Variants in TMEM163 observed in about 807,000 individuals in gnomAD.
The protein encoded by TMEM163 is transmembrane protein 163.
A neutral mutation model predicts 29.3 loss-of-function variants in TMEM163; 17 were observed. The ratio of observed to expected loss-of-function variants is 0.58; its 90% CI spans 0.40 to 0.87. The LOEUF is 0.87. Among genes scored for constraint, TMEM163 ranks in the 40% least tolerant of loss-of-function variants. The pLI is 0.00. For missense variants in TMEM163, 303 were observed against 381.5 expected, an observed-to-expected ratio of 0.79 and a Z score of 1.71; for synonymous variants, 157 against 160.6, an observed-to-expected ratio of 0.98 and a Z score of 0.17.
At chr2:134,520,686 T>C (rs531368658) in intron 4 of TMEM163, among the ~76,000 whole-genome samples, 1 of 152,338 alleles carries the variant, frequency 6.6e-6, no homozygotes, top group South Asian at 2.1e-4. Context: ...TCCAAATGTG[T>C]TCTTGTCTAC....
In TMEM163 at chr2:134,558,771, C is replaced by T. The variant is rs961479146; in HGVS notation, c.323-6680G>A. On this transcript the variant is annotated intron_variant, in intron 2 of 7. Coordinates refer to ENST00000281924, the MANE Select transcript of TMEM163 (RefSeq NM_030923.5). Reference sequence around the variant, plus strand: ...AAAATGAGGACCCATCTGTCATTCTCTCCAAAGTCATGCAACAATTATCTT... The same window carrying T: ...AAAATGAGGACCCATCTGTCATTCTTTCCAAAGTCATGCAACAATTATCTT... Among the ~76,000 whole-genome samples the T allele has an allele frequency of 2.6e-5, 4 of 152,238 alleles. No individual in the cohort carries two copies. In the East Asian group the frequency reaches 7.7e-4, roughly 29 times the overall value.
At chr2:134,575,897 A>G (rs1244283843) in intron 2 of TMEM163, among the ~76,000 whole-genome samples, 2 of 152,094 alleles carry the variant, frequency 1.3e-5, no homozygotes, top group East Asian at 1.9e-4. Flanking sequence ...AGGAAGAGTG[A>G]GACTCCTGGG....
intron 5 of TMEM163, among the ~76,000 whole-genome samples, chr2:134,471,579 C>T (rs1003244434): frequency 4.6e-5 from 7 of 152,142 alleles, no homozygotes; most frequent in African/African-American, 1.7e-4. Context: ...CTTTGGCACC[C>T]CAAGCTAAGA....
At chr2:134,700,294 C>T (rs1684668682) in intron 2 of TMEM163, among the ~76,000 whole-genome samples, 1 of 152,192 alleles carries the variant, frequency 6.6e-6, no homozygotes, top group South Asian at 2.1e-4. Context: ...CCTCTAAAAA[C>T]ACTGACTATT....
At chr2:134,624,219 G>A (rs754579795) in intron 2 of TMEM163, among the ~76,000 whole-genome samples, 14 of 152,322 alleles carry the variant, frequency 9.2e-5, no homozygotes, top group Non-Finnish European at 1.6e-4. Context: ...AATGCTCATT[G>A]CTGAAAACTG....
intron 2 of TMEM163, among the ~76,000 whole-genome samples, chr2:134,701,214 A>T (rs182554518): frequency 6.0e-4 from 91 of 151,472 alleles, no homozygotes; most frequent in African/African-American, 2.1e-3. Flanking sequence ...GAGTGAATTT[A>T]AAAAAAAAGA....
intron 1 of TMEM163, among the ~76,000 whole-genome samples, chr2:134,716,544 C>G (rs753466162): frequency 1.3e-5 from 2 of 152,044 alleles, no homozygotes; most frequent in Non-Finnish European, 2.9e-5. Flanking sequence ...CCCCTCAACC[C>G]CTCTACAGAC....
chr2:134,707,411 T>G (rs1684838367), intron 2 of TMEM163, among the ~76,000 whole-genome samples: 1 of 152,216 alleles, frequency 6.6e-6, no homozygotes, highest in African/African-American at 2.4e-5. Flanking sequence ...AGAGAGAGAC[T>G]TTAGGACGGG....
intron 2 of TMEM163, among the ~76,000 whole-genome samples, chr2:134,681,390 C>A (rs1465070588): frequency 6.6e-6 from 1 of 152,202 alleles, no homozygotes; most frequent in East Asian, 1.9e-4. Context: ...CCACACAAAC[C>A]GCATTCCAGT....
At chr2:134,576,407 A>G (rs1681557042) in intron 2 of TMEM163, among the ~76,000 whole-genome samples, 1 of 152,180 alleles carries the variant, frequency 6.6e-6, no homozygotes, top group Non-Finnish European at 1.5e-5. Flanking sequence ...CCCAATGCTG[A>G]TGGTTTAATC....
At chr2:134,628,440 C>T (rs528911819) in intron 2 of TMEM163, among the ~76,000 whole-genome samples, 3 of 152,222 alleles carry the variant, frequency 2.0e-5, no homozygotes, top group African/African-American at 7.2e-5. Flanking sequence ...TATGCCTGGG[C>T]CCATGGGCCA....
At chr2:134,606,424 C>T (rs13430630) in intron 2 of TMEM163, among the ~76,000 whole-genome samples, 5,587 of 152,192 alleles carry the variant, frequency 0.037, 156 homozygotes, top group Admixed American at 0.082. Flanking sequence ...TCCTTCATCT[C>T]GCCACAATCA....
At position 134,708,637 on chromosome 2, in the gene TMEM163, A is replaced by G. The variant is rs953252925; in HGVS notation, c.322+4563T>C. 5.3e-5 allele frequency among the ~76,000 whole-genome samples: 8 copies of G among 151,512 alleles called. No homozygotes were observed. The East Asian group carries it at 1.6e-3, about 29-fold the overall frequency. On this transcript the variant is annotated intron_variant, in intron 2 of 7. Coordinates refer to ENST00000281924, the MANE Select transcript of TMEM163 (RefSeq NM_030923.5). The stretch of plus-strand genomic sequence containing the variant: ...AGTCTTGCTCTGTCACCCAGGCTGG[A>G]GTGCAGTGGCATGATCTTGGCTCAC...
chr2:134,552,656 CTTTTTTT>C (rs35785546), intron 2 of TMEM163, among the ~76,000 whole-genome samples: 1 of 113,528 alleles, frequency 8.8e-6, no homozygotes, highest in Non-Finnish European at 1.7e-5. Flanking sequence ...TATTTTGATC[CTTTTTTT>C]TTTTTTTTTT....
At chr2:134,658,621 C>T (rs752489247) in intron 2 of TMEM163, among the ~76,000 whole-genome samples, 4 of 151,552 alleles carry the variant, frequency 2.6e-5, no homozygotes, top group South Asian at 4.2e-4. Context: ...TTTTTGAGAC[C>T]GAGTCTCACT....
At chr2:134,612,542 A>AACACACACACACACAAACACACAC (rs1553485673) in intron 2 of TMEM163, among the ~76,000 whole-genome samples, 1 of 140,568 alleles carries the variant, frequency 7.1e-6, no homozygotes, top group African/African-American at 2.7e-5. Flanking sequence ...GGTTTGCCCC[A>AACACACACACACACAAACACACAC]ACACACACAC....
At chr2:134,524,934 G>T (rs1680261452) in intron 4 of TMEM163, among the ~76,000 whole-genome samples, 2 of 137,172 alleles carry the variant, frequency 1.5e-5, no homozygotes, top group South Asian at 5.3e-4. Flanking sequence ...AGGTCTTTGA[G>T]GAATCACCAC....
chr2:134,524,561 T>G (rs1212682524), intron 4 of TMEM163, among the ~76,000 whole-genome samples: 1 of 149,816 alleles, frequency 6.7e-6, no homozygotes, highest in Non-Finnish European at 1.5e-5. Context: ...GTGTGTGTTC[T>G]TCCCCTCCCT....
At chr2:134,537,889 A>G (rs894640636) in intron 4 of TMEM163, among the ~76,000 whole-genome samples, 2 of 152,216 alleles carry the variant, frequency 1.3e-5, no homozygotes, top group African/African-American at 2.4e-5. Flanking sequence ...ATAACACTCA[A>G]GTACAAATCA....
Sources: allele counts gnomAD v4.1 joint callset (sites outside exome capture counted in the v4.1 genomes callset), GRCh38; gene constraint gnomAD v4.1.1; transcripts MANE v1.5; gene names NCBI Gene and HGNC (gene_info 2026-07-23, HGNC 2026-07-21).